UGT1A8: variants seen among roughly 807,000 people sequenced by gnomAD.
The protein encoded by UGT1A8 is UDP-glucuronosyltransferase 1A8.
A neutral mutation model predicts 45.3 loss-of-function variants in UGT1A8; 39 were observed. That is an observed-to-expected ratio of 0.86 (90% CI 0.67 to 1.12). The LOEUF (loss-of-function observed/expected upper bound fraction) is 1.12. Ranked by LOEUF, UGT1A8 falls within the 50% of genes most tolerant of loss-of-function variation. UGT1A8 has a pLI of 0.00. For missense variants in UGT1A8, 719 were observed against 664.9 expected (o/e 1.08, Z -0.90); for synonymous variants, 275 against 249.2 (o/e 1.10, Z -0.97).
intron 1 of UGT1A8, among the ~76,000 whole-genome samples, chr2:233,680,199 A>C (rs1255764712): frequency 1.3e-5 from 2 of 152,172 alleles, no homozygotes; most frequent in African/African-American, 4.8e-5. Flanking sequence ...CAGCATCATT[A>C]GTTGCACTTT....
chr2:233,660,943 A>T (rs1319833243), intron 1 of UGT1A8, among the ~76,000 whole-genome samples: 2 of 152,018 alleles, frequency 1.3e-5, no homozygotes, highest in Admixed American at 6.6e-5. Context: ...GCTGCCATTA[A>T]ATTCTCCAGC....
intron 1 of UGT1A8, among the ~76,000 whole-genome samples, chr2:233,725,264 GGAGGCAGAGGCAGAGGCAGAGGCA>G (rs551912265): frequency 0.039 from 2,279 of 58,516 alleles, 576 homozygotes; most frequent in South Asian, 0.073. Context: ...CAGAGGCAGA[GGAGGCAGAGGCAGAGGCAGAGGCA>G]GAGGCAGAGG....
intron 1 of UGT1A8, chr2:233,760,592 A>G (rs2125986394): frequency 1.1e-5 from 18 of 1,614,212 alleles, no homozygotes; most frequent in Non-Finnish European, 1.5e-5. Flanking sequence ...GTTTTTGAGA[A>G]TGATTCTTTC....
chr2:233,755,233 A>G (rs958383354), intron 1 of UGT1A8: 16 of 920,004 alleles, frequency 1.7e-5, no homozygotes, highest in Admixed American at 5.9e-5. Context: ...GACGAGGCCT[A>G]CCGGGGTACT....
Position 233,772,248 on chromosome 2 carries a change from G to A in UGT1A8, c.1296-14G>A. ...CAGGTGTTCCAGGCATAACGAAACT[G>A]TCTTTGTGTTTAGTTACAAGGAGAA... is the stretch of plus-strand genomic sequence containing the variant. On this transcript the variant is annotated splice_polypyrimidine_tract_variant and intron_variant, in intron 4 of 4. Transcript: ENST00000373450. 6.2e-7 allele frequency: 1 copy of A among 1,614,220 alleles called. No individual in the cohort carries two copies. The highest frequency in any genetic ancestry group is 1.7e-5 in the Admixed American group (1 of 60,030).
intron 1 of UGT1A8, among the ~76,000 whole-genome samples, chr2:233,620,373 C>A (rs897830965): frequency 1.3e-5 from 2 of 152,200 alleles, no homozygotes; most frequent in Admixed American, 1.3e-4. Flanking sequence ...GTTGCCTGCA[C>A]CCTACACCCT....
At chr2:233,703,412 A>G (rs1378820860) in intron 1 of UGT1A8, among the ~76,000 whole-genome samples, 1 of 151,566 alleles carries the variant, frequency 6.6e-6, no homozygotes, top group Non-Finnish European at 1.5e-5. Context: ...GGTTTTGTTT[A>G]TTTTTCTCTA....
intron 1 of UGT1A8, among the ~76,000 whole-genome samples, chr2:233,661,317 A>T (rs2073959158): frequency 6.6e-6 from 1 of 152,088 alleles, no homozygotes; most frequent in African/African-American, 2.4e-5. Flanking sequence ...GGCTGTGCAC[A>T]CCATGGTGCT....
intron 1 of UGT1A8, among the ~76,000 whole-genome samples, chr2:233,685,234 T>C (rs1346351842): frequency 2.0e-5 from 3 of 152,148 alleles, no homozygotes; most frequent in Non-Finnish European, 1.5e-5. Context: ...GGTTTCACCA[T>C]GTTGGCCAGG....
At chr2:233,747,029 T>C (rs1693544106) in intron 1 of UGT1A8, among the ~76,000 whole-genome samples, 1 of 152,046 alleles carries the variant, frequency 6.6e-6, no homozygotes, top group Middle Eastern at 3.4e-3. Context: ...TTTCCCGAAG[T>C]GGGACCCATA....
At chr2:233,671,725 T>A in intron 1 of UGT1A8, 2 of 1,120,244 alleles carry the variant, frequency 1.8e-6, no homozygotes, top group Non-Finnish European at 2.4e-6. Context: ...GCTACTGTTG[T>A]CTGGAAAACA....
intron 1 of UGT1A8, among the ~76,000 whole-genome samples, chr2:233,619,119 T>A (rs1011797285): frequency 2.6e-5 from 4 of 152,122 alleles, no homozygotes; most frequent in African/African-American, 7.2e-5. Flanking sequence ...ATAAAAAAAG[T>A]TTCATTTATA....
chr2:233,664,369 C>G (rs537937024), intron 1 of UGT1A8, among the ~76,000 whole-genome samples: 1 of 152,252 alleles, frequency 6.6e-6, no homozygotes, highest in African/African-American at 2.4e-5. Flanking sequence ...CATCTCAGTA[C>G]CAATTTTCTA....
At chr2:233,694,261 A>T (rs911219810) in intron 1 of UGT1A8, among the ~76,000 whole-genome samples, 1 of 151,758 alleles carries the variant, frequency 6.6e-6, no homozygotes, top group South Asian at 2.1e-4. Flanking sequence ...GGGACCAGCG[A>T]ACTACAGCCT....
chr2:233,713,979 T>C, intron 1 of UGT1A8: 1 of 1,594,106 alleles, frequency 6.3e-7, no homozygotes, highest in South Asian at 1.1e-5. Context: ...CTGCTTCTCA[T>C]TGTTGTAATA....
At chr2:233,718,756 G>A (rs994719163) in intron 1 of UGT1A8, 95 of 1,612,444 alleles carry the variant, frequency 5.9e-5, no homozygotes, top group East Asian at 2.9e-4. Context: ...TAATTAAGGC[G>A]AAGGAAACAA....
chr2:233,747,089 ACTCTAT>A, intron 1 of UGT1A8: 1 of 1,215,556 alleles, frequency 8.2e-7, no homozygotes. Context: ...GGAGGAGAGC[ACTCTAT>A]CTTCCAATTA....
At chr2:233,680,546 A>G (rs1332779214) in intron 1 of UGT1A8, among the ~76,000 whole-genome samples, 1 of 152,112 alleles carries the variant, frequency 6.6e-6, no homozygotes, top group East Asian at 1.9e-4. Flanking sequence ...TCCCTCACGA[A>G]ATGCTCCTCA....
In UGT1A8 at chr2:233,719,168, T is replaced by G. The variant is rs1202848834; in HGVS notation, c.856-47866T>G. ...AGAGATATTCTAGAAGTATGGCAAT[T>G]ATGAACAATGTATCTTTGGCCCTTC... On this transcript the variant is annotated intron_variant, in intron 1 of 4. Transcript: ENST00000373450. 2 of 1,614,224 alleles carry G rather than the reference T, an allele frequency of 1.2e-6. No individual in the cohort carries two copies. Among genetic ancestry groups the G allele is most frequent in the Admixed American group, 1.7e-5 (1 of 60,034 alleles).
Sources: allele counts gnomAD v4.1 joint callset (sites outside exome capture counted in the v4.1 genomes callset), GRCh38; gene constraint gnomAD v4.1.1; transcripts MANE v1.5; gene names NCBI Gene and HGNC (gene_info 2026-07-23, HGNC 2026-07-21).